ZNF385B: variants seen among roughly 807,000 people sequenced by gnomAD.
ZNF385B encodes the protein zinc finger protein 385B, also known as zinc finger protein 533.
Under a neutral mutation model 39.2 loss-of-function variants are expected in ZNF385B, and 23 were observed. That is an observed-to-expected ratio of 0.59 (90% CI 0.42 to 0.83). ZNF385B has a LOEUF of 0.83. Among genes scored for constraint, ZNF385B ranks in the 40% least tolerant of loss-of-function variants. The pLI is 0.00. For synonymous variants in ZNF385B, 205 were observed against 222.6 expected (o/e 0.92, Z 0.70); for missense variants, 552 against 598.9 (o/e 0.92, Z 0.82).
chr2:179,635,749 A>T (rs1414768837), intron 3 of ZNF385B, among the ~76,000 whole-genome samples: 1 of 152,060 alleles, frequency 6.6e-6, no homozygotes, highest in African/African-American at 2.4e-5. Context: ...CTACTCTTTG[A>T]TCCCCTTTTC....
chr2:179,598,011 T>C (rs1378022893), intron 3 of ZNF385B, among the ~76,000 whole-genome samples: 2 of 152,208 alleles, frequency 1.3e-5, no homozygotes, highest in Admixed American at 6.5e-5. Context: ...TAAAAAAAGA[T>C]GTCTAATATA....
chr2:179,803,247 A>C (rs910917271), intron 1 of ZNF385B, among the ~76,000 whole-genome samples: 1 of 152,142 alleles, frequency 6.6e-6, no homozygotes, highest in Admixed American at 6.6e-5. Flanking sequence ...TTTGTGACAC[A>C]GGGCATATGT....
intron 3 of ZNF385B, chr2:179,576,207 C>T: frequency 1.0e-6 from 1 of 983,772 alleles, no homozygotes; most frequent in African/African-American, 1.7e-5. Flanking sequence ...TTACTGGACT[C>T]CTTCACTCCA....
chr2:179,450,391 C>A (rs1405002838), intron 6 of ZNF385B, among the ~76,000 whole-genome samples: 1 of 152,078 alleles, frequency 6.6e-6, no homozygotes, highest in Non-Finnish European at 1.5e-5. Flanking sequence ...ACAACGAACT[C>A]CAACAAATTT....
At chr2:179,772,412 T>G (rs1258747619) in intron 1 of ZNF385B, among the ~76,000 whole-genome samples, 1 of 152,230 alleles carries the variant, frequency 6.6e-6, no homozygotes, top group Non-Finnish European at 1.5e-5. Context: ...GTATGCATTC[T>G]GTTCACCAAA....
chr2:179,731,453 C>T (rs928111583), intron 3 of ZNF385B, among the ~76,000 whole-genome samples: 2 of 152,318 alleles, frequency 1.3e-5, no homozygotes, highest in Admixed American at 1.3e-4. Flanking sequence ...ACAATCAATT[C>T]ATTTGTGGTG....
chr2:179,728,274 G>A (rs541559091), intron 3 of ZNF385B, among the ~76,000 whole-genome samples: 82 of 152,136 alleles, frequency 5.4e-4, no homozygotes, highest in Non-Finnish European at 1.0e-3. Context: ...GAGTGCAGCC[G>A]AACTTCAAGC....
At chr2:179,674,413 G>A (rs1515284) in intron 3 of ZNF385B, among the ~76,000 whole-genome samples, 151,982 of 152,312 alleles carry the variant, frequency 1, 75,826 homozygotes, top group Middle Eastern at 1. Context: ...TTAGGGGGCA[G>A]TGGGTGGTTT....
intron 3 of ZNF385B, among the ~76,000 whole-genome samples, chr2:179,726,828 T>C (rs531575144): frequency 7.9e-5 from 12 of 152,232 alleles, no homozygotes; most frequent in Non-Finnish European, 1.3e-4. Flanking sequence ...ATAGGATATC[T>C]GTCAGTTTTG....
chr2:179,726,437 C>T (rs1701024122), intron 3 of ZNF385B, among the ~76,000 whole-genome samples: 1 of 152,048 alleles, frequency 6.6e-6, no homozygotes, highest in Admixed American at 6.6e-5. Context: ...AGCTGTAAGA[C>T]CTAGAGGCAG....
chr2:179,525,612 G>A (rs976699492), intron 4 of ZNF385B, among the ~76,000 whole-genome samples: 1 of 151,988 alleles, frequency 6.6e-6, no homozygotes, highest in African/African-American at 2.4e-5. Context: ...GTGATATTGT[G>A]GTATTACAGT....
At chr2:179,716,029 C>T (rs939361320) in intron 3 of ZNF385B, among the ~76,000 whole-genome samples, 4 of 152,126 alleles carry the variant, frequency 2.6e-5, no homozygotes, top group African/African-American at 7.2e-5. Flanking sequence ...TAAGGACCAC[C>T]TCAAACATTT....
At chr2:179,704,434 T>C (rs1319557939) in intron 3 of ZNF385B, among the ~76,000 whole-genome samples, 2 of 152,234 alleles carry the variant, frequency 1.3e-5, no homozygotes, top group African/African-American at 4.8e-5. Context: ...GAGTTGATTT[T>C]ACAGGAAGCA....
chr2:179,785,014 A>C (rs889226585), intron 1 of ZNF385B, among the ~76,000 whole-genome samples: 1 of 152,138 alleles, frequency 6.6e-6, no homozygotes, highest in Non-Finnish European at 1.5e-5. Context: ...CACTACTCAT[A>C]ATAGTTCCAA....
chr2:179,753,494 T>C (rs1289420306), intron 3 of ZNF385B, among the ~76,000 whole-genome samples: 1 of 152,228 alleles, frequency 6.6e-6, no homozygotes, highest in East Asian at 1.9e-4. Flanking sequence ...GGTAGCTTGA[T>C]AGGGATAGCA....
chr2:179,711,392 C>T (rs1435769644), intron 3 of ZNF385B, among the ~76,000 whole-genome samples: 1 of 152,092 alleles, frequency 6.6e-6, no homozygotes, highest in Non-Finnish European at 1.5e-5. Context: ...TGCAATGCTC[C>T]TCTTTATATA....
chr2:179,722,352 A>G (rs751173909), intron 3 of ZNF385B, among the ~76,000 whole-genome samples: 53 of 152,308 alleles, frequency 3.5e-4, no homozygotes, highest in Admixed American at 2.6e-3. Flanking sequence ...AAGAATTTTT[A>G]TACATTCACA....
intron 3 of ZNF385B, among the ~76,000 whole-genome samples, chr2:179,621,328 T>A (rs1690195796): frequency 6.6e-6 from 1 of 152,194 alleles, no homozygotes; most frequent in Admixed American, 6.5e-5. Context: ...TAGGTCTTTA[T>A]AAATTTTACA....
intron 1 of ZNF385B, among the ~76,000 whole-genome samples, chr2:179,787,808 C>T (rs1157703160): frequency 6.6e-6 from 1 of 152,124 alleles, no homozygotes; most frequent in African/African-American, 2.4e-5. Flanking sequence ...TCCAGCTTTT[C>T]CAATATACTT....
Sources: allele counts gnomAD v4.1 joint callset (sites outside exome capture counted in the v4.1 genomes callset), GRCh38; gene constraint gnomAD v4.1.1; transcripts MANE v1.5; gene names NCBI Gene and HGNC (gene_info 2026-07-23, HGNC 2026-07-21).